The following PSMA1 variants were observed in gnomAD, a reference collection of about 807,000 sequenced individuals.
PSMA1 encodes the protein proteasome subunit alpha type-1.
PSMA1 carries 3 observed loss-of-function variants against 38.4 expected under a neutral mutation model. The observed-to-expected ratio is 0.08, with a 90% CI of 0.04 to 0.20. PSMA1 has a LOEUF of 0.20. Ranked by LOEUF, PSMA1 falls within the 10% of genes least tolerant of loss-of-function variation. The probability of loss-of-function intolerance (pLI) is 1.00; values close to 1 mark genes in which losing one functional copy is unlikely to be tolerated. For synonymous variants in PSMA1, 101 were observed against 107.1 expected, an observed-to-expected ratio of 0.94 and a Z score of 0.35; for missense variants, 227 against 325.3, an observed-to-expected ratio of 0.70 and a Z score of 2.32.
At chr11:14,526,100 T>C (rs1282539265) in intron 2 of PSMA1, among the ~76,000 whole-genome samples, 1 of 152,156 alleles carries the variant, frequency 6.6e-6, no homozygotes, top group Non-Finnish European at 1.5e-5. Context: ...CTGCCGACTG[T>C]GTCCAACTGA....
At chr11:14,593,612 A>AGGAGAGAGAG (rs1325699473) in intron 2 of PSMA1, among the ~76,000 whole-genome samples, 1 of 58,390 alleles carries the variant, frequency 1.7e-5, no homozygotes, top group Non-Finnish European at 3.7e-5. Flanking sequence ...AGGAGGAAAA[A>AGGAGAGAGAG]TGAGAGAGAG....
chr11:14,612,109 T>C (rs1163615675), intron 1 of PSMA1, among the ~76,000 whole-genome samples: 1 of 152,186 alleles, frequency 6.6e-6, no homozygotes, highest in Admixed American at 6.5e-5. Context: ...CCAGGGAGTC[T>C]TGGTTGAGCT....
intron 2 of PSMA1, among the ~76,000 whole-genome samples, chr11:14,603,026 C>T (rs1852603369): frequency 6.6e-6 from 1 of 152,166 alleles, no homozygotes; most frequent in South Asian, 2.1e-4. Context: ...ATGAAAGCAA[C>T]TGTGAGAAGA....
At chr11:14,541,047 C>T (rs1425140676) in intron 2 of PSMA1, among the ~76,000 whole-genome samples, 1 of 151,892 alleles carries the variant, frequency 6.6e-6, no homozygotes, top group African/African-American at 2.4e-5. Flanking sequence ...ATGTAACAAA[C>T]CTGCACGTTG....
chr11:14,582,267 T>C (rs1852289919), intron 2 of PSMA1, among the ~76,000 whole-genome samples: 1 of 152,160 alleles, frequency 6.6e-6, no homozygotes, highest in Non-Finnish European at 1.5e-5. Flanking sequence ...GGTTCTTTAC[T>C]TCTTAGATCG....
At chr11:14,539,584 G>T (rs974887716) in intron 2 of PSMA1, among the ~76,000 whole-genome samples, 1 of 151,932 alleles carries the variant, frequency 6.6e-6, no homozygotes, top group Non-Finnish European at 1.5e-5. Flanking sequence ...GGTGGCTCAC[G>T]CCTGTAATCC....
intron 1 of PSMA1, among the ~76,000 whole-genome samples, chr11:14,631,421 A>T (rs532066885): frequency 6.6e-6 from 1 of 151,748 alleles, no homozygotes; most frequent in East Asian, 1.9e-4. Flanking sequence ...ATTTTGTTAT[A>T]TACCCAGTAG....
At chr11:14,576,194 G>T (rs1852212292) in intron 2 of PSMA1, among the ~76,000 whole-genome samples, 1 of 151,854 alleles carries the variant, frequency 6.6e-6, no homozygotes, top group African/African-American at 2.4e-5. Flanking sequence ...TTGTCAGATG[G>T]GTAGATTGTA....
chr11:14,639,417 A>G (rs1853170403), intron 1 of PSMA1, among the ~76,000 whole-genome samples: 2 of 152,246 alleles, frequency 1.3e-5, no homozygotes, highest in Admixed American at 6.5e-5. Context: ...AAATACAGTT[A>G]AAGTCTGATT....
intron 2 of PSMA1, among the ~76,000 whole-genome samples, chr11:14,554,301 C>A (rs1851919012): frequency 1.3e-5 from 2 of 152,106 alleles, no homozygotes; most frequent in Admixed American, 6.6e-5. Context: ...TTTTACAGAG[C>A]AAAAGTTTTA....
At chr11:14,601,717 C>T (rs891075921) in intron 2 of PSMA1, among the ~76,000 whole-genome samples, 2 of 152,174 alleles carry the variant, frequency 1.3e-5, no homozygotes, top group African/African-American at 4.8e-5. Flanking sequence ...AACACCCTTA[C>T]TCCCAACTCC....
At chr11:14,612,380 C>T (rs1365072482) in intron 1 of PSMA1, among the ~76,000 whole-genome samples, 2 of 152,080 alleles carry the variant, frequency 1.3e-5, no homozygotes, top group Admixed American at 1.3e-4. Flanking sequence ...TAAACTATTT[C>T]CTTACTTTCC....
At chr11:14,569,888 C>A (rs1465009301) in intron 2 of PSMA1, among the ~76,000 whole-genome samples, 1 of 152,226 alleles carries the variant, frequency 6.6e-6, no homozygotes, top group African/African-American at 2.4e-5. Context: ...AGTTTGAGAT[C>A]TGAGAACAGA....
intron 2 of PSMA1, among the ~76,000 whole-genome samples, chr11:14,596,577 T>A (rs1052911028): frequency 1.0e-4 from 16 of 152,386 alleles, no homozygotes; most frequent in African/African-American, 2.6e-4. Context: ...ATGCTTGTGA[T>A]GTTTGCACAT....
chr11:14,582,815 G>A (rs1262096236), intron 2 of PSMA1, among the ~76,000 whole-genome samples: 4 of 152,002 alleles, frequency 2.6e-5, no homozygotes, highest in Non-Finnish European at 5.9e-5. Flanking sequence ...ACAGGCGTGA[G>A]CCACTGCTCC....
rs762620216 is a variant in PSMA1, at chr11:14,507,688, C to A, written c.703G>T (p.Gly235Cys). Residue 235 changes from glycine (G) to cysteine (C), a missense_variant, in exon 9 of 10, where the codon GGT becomes TGT. Gly to Cys is a radical substitution (Grantham distance 159). Coordinates refer to ENST00000396394, the MANE Select transcript of PSMA1 (RefSeq NM_002786.4). ...DDDDVSPFLE[G>C]LEERPQRKAQ... ...TTTCTCTGTGGTCTTTCTTCAAGACCTTCCAGGAATGGAGACACATCATCA... is the reference window on the plus strand; with the variant it reads ...TTTCTCTGTGGTCTTTCTTCAAGACATTCCAGGAATGGAGACACATCATCA... 4 of 1,612,140 alleles carry A rather than the reference C, an allele frequency of 2.5e-6. No homozygotes were observed. Among genetic ancestry groups the A allele is most frequent in the Non-Finnish European group, 3.4e-6 (4 of 1,178,632 alleles).
intron 1 of PSMA1, among the ~76,000 whole-genome samples, chr11:14,629,776 G>A (rs1254380203): frequency 6.6e-5 from 10 of 150,534 alleles, no homozygotes; most frequent in African/African-American, 1.2e-4. Context: ...CCATTTTCAC[G>A]ATATTGATTC....
intron 2 of PSMA1, among the ~76,000 whole-genome samples, chr11:14,577,573 A>G (rs1174533562): frequency 6.6e-6 from 1 of 152,194 alleles, no homozygotes; most frequent in Non-Finnish European, 1.5e-5. Flanking sequence ...TTATAAAACA[A>G]CAATAAAAGT....
At chr11:14,594,400 T>C (rs972918327) in intron 2 of PSMA1, among the ~76,000 whole-genome samples, 4 of 152,130 alleles carry the variant, frequency 2.6e-5, no homozygotes, top group Admixed American at 6.5e-5. Context: ...ATAAGCTTGA[T>C]AAATTGTTGG....
Sources: allele counts gnomAD v4.1 joint callset (sites outside exome capture counted in the v4.1 genomes callset), GRCh38; gene constraint gnomAD v4.1.1; transcripts MANE v1.5; gene names NCBI Gene and HGNC (gene_info 2026-07-23, HGNC 2026-07-21).